The following CUX1 variants were observed in gnomAD, a reference collection of about 807,000 sequenced individuals.
CUX1 encodes the protein protein CASP.
In CUX1, 31 loss-of-function variants were observed where a neutral mutation model predicts 158.8. The ratio of observed to expected loss-of-function variants is 0.20; its 90% CI spans 0.15 to 0.26. The LOEUF is 0.26. CUX1 is among the 10% of genes least tolerant of loss of function. The pLI is 1.00. For synonymous variants in CUX1, 879 were observed against 862.1 expected (o/e 1.02, Z -0.34); for missense variants, 1,589 against 2,014.6 (o/e 0.79, Z 4.04).
At position 101,890,212 on chromosome 7, in the gene CUX1, G is replaced by A. The variant is rs142968460; in HGVS notation, c.31-25903G>A. 2.0e-3 allele frequency among the ~76,000 whole-genome samples: 303 copies of A among 152,300 alleles called. 2 individuals are homozygous for A. Among genetic ancestry groups the A allele is most frequent in the African/African-American group, 6.5e-3 (272 of 41,564 alleles). ...GGGGTTGACGGGGAGCCCTGAAGCC[G>A]GCAGTGTTTAGAGATTCAAAGAATA... On this transcript the variant is annotated intron_variant, in intron 1 of 23. Transcript: ENST00000292535.
intron 14 of CUX1, among the ~76,000 whole-genome samples, chr7:102,267,575 C>T (rs1158331413): frequency 2.0e-5 from 3 of 152,110 alleles, no homozygotes; most frequent in African/African-American, 7.2e-5. Flanking sequence ...CTCGCGCCTT[C>T]AGGAAAACCG....
chr7:102,238,284 C>A (rs1452407708), intron 22 of CUX1, among the ~76,000 whole-genome samples: 1 of 152,148 alleles, frequency 6.6e-6, no homozygotes, highest in African/African-American at 2.4e-5. Context: ...TACCGCTAGA[C>A]CACGGTCCGC....
At chr7:102,189,659 G>A (rs935561051) in intron 11 of CUX1, among the ~76,000 whole-genome samples, 154 bp from the exon 12 acceptor site, 1 of 152,224 alleles carries the variant, frequency 6.6e-6, no homozygotes, top group African/African-American at 2.4e-5. Context: ...AGGAGCGTGA[G>A]GGACAAAAGA....
At chr7:102,173,303 A>G (rs900771012) in intron 10 of CUX1, among the ~76,000 whole-genome samples, 6 of 152,204 alleles carry the variant, frequency 3.9e-5, no homozygotes, top group Admixed American at 2.6e-4. Flanking sequence ...GAGGTTGTGC[A>G]GTGAGATCGT....
At chr7:101,864,122 A>G (rs978789718) in intron 1 of CUX1, among the ~76,000 whole-genome samples, 12 of 151,048 alleles carry the variant, frequency 7.9e-5, no homozygotes, top group African/African-American at 2.9e-4. Context: ...CAAGGGTTCC[A>G]ATTTCTCCAC....
chr7:102,180,171 C>T (rs1173701974), intron 11 of CUX1, among the ~76,000 whole-genome samples: 4 of 152,018 alleles, frequency 2.6e-5, no homozygotes, highest in Non-Finnish European at 5.9e-5. Flanking sequence ...TACAGTCACG[C>T]GCCACCATGC....
intron 5 of CUX1, among the ~76,000 whole-genome samples, chr7:102,102,152 G>T (rs1171687673): frequency 3.3e-5 from 5 of 152,034 alleles, no homozygotes; most frequent in Non-Finnish European, 7.4e-5. Flanking sequence ...GCGGAAAGTT[G>T]CCCAGTCCCC....
At chr7:101,907,406 T>C (rs1327587563) in intron 1 of CUX1, among the ~76,000 whole-genome samples, 1 of 152,148 alleles carries the variant, frequency 6.6e-6, no homozygotes, top group Non-Finnish European at 1.5e-5. Context: ...TGGAGTGCAA[T>C]GGCACAATCT....
intron 4 of CUX1, among the ~76,000 whole-genome samples, chr7:102,082,247 C>T (rs1827499455): frequency 6.8e-6 from 1 of 146,816 alleles, no homozygotes; most frequent in Non-Finnish European, 1.5e-5. Flanking sequence ...TGAATTGGGC[C>T]AGGCACGGTG....
At chr7:101,856,924 C>T (rs535678630) in intron 1 of CUX1, among the ~76,000 whole-genome samples, 21 of 152,346 alleles carry the variant, frequency 1.4e-4, no homozygotes, top group African/African-American at 5.1e-4. Context: ...GTGAACCCTC[C>T]CTCCGCGGTC....
intron 20 of CUX1, among the ~76,000 whole-genome samples, chr7:102,211,421 G>A (rs1322479398): frequency 6.6e-6 from 1 of 152,006 alleles, no homozygotes; most frequent in East Asian, 1.9e-4. Context: ...ACTGCAGCCT[G>A]GGTGACAAAG....
chr7:102,182,264 A>G (rs1554514198), intron 11 of CUX1, among the ~76,000 whole-genome samples: 1 of 152,216 alleles, frequency 6.6e-6, no homozygotes. Context: ...GGCATTTCCC[A>G]TAAGCAGAAG....
intron 1 of CUX1, among the ~76,000 whole-genome samples, chr7:101,913,841 CT>C (rs369998343): frequency 6.6e-6 from 1 of 151,740 alleles, no homozygotes; most frequent in African/African-American, 2.4e-5. Context: ...AACATCAACT[CT>C]TTTTTTTTCT....
intron 1 of CUX1, among the ~76,000 whole-genome samples, chr7:101,852,656 T>C (rs549173657): frequency 3.3e-5 from 5 of 149,686 alleles, no homozygotes; most frequent in African/African-American, 9.7e-5. Context: ...TCTTCTGTTC[T>C]CTGCGTTGGA....
Position 102,249,012 on chromosome 7 carries a change from C to T in CUX1, c.4488C>T (p.Ser1496=). Reference sequence around the variant, plus strand: ...TCCACCGCCTGGAGAAGGCCGCCAGCCGGGAGGAACCTATCGAATGGGAGT... The same window carrying T: ...TCCACCGCCTGGAGAAGGCCGCCAGTCGGGAGGAACCTATCGAATGGGAGT... The part of the protein sequence containing the change: ...SIIHRLEKAA[S]REEPIEWEF Residue 1496 remains serine, a synonymous_variant, in exon 24 of 24, where the codon AGC becomes AGT. Coordinates refer to ENST00000292535, the MANE Select transcript of CUX1 (RefSeq NM_181552.4). 7.2e-7 allele frequency: 1 copy of T among 1,389,972 alleles called. No individual in the cohort carries two copies. Among genetic ancestry groups the T allele is most frequent in the Non-Finnish European group, 9.4e-7 (1 of 1,060,310 alleles). The allele number at this position is 1,389,972 out of a possible 1,614,324, so 86.1% of individuals were successfully genotyped here.
chr7:102,250,288 A>G lies in CUX1; in HGVS notation c.*1246A>G, dbSNP rs1026053112. On this transcript the variant is annotated 3_prime_UTR_variant, in exon 24 of 24. Transcript: ENST00000292535. ...AGGAGAGAGTAGTCCGGGCGAGCACAGCAGGCAGTTCCAGGGCCAGACGGG... is the reference window on the plus strand; with the variant it reads ...AGGAGAGAGTAGTCCGGGCGAGCACGGCAGGCAGTTCCAGGGCCAGACGGG... The G allele has an allele frequency of 2.0e-6, 2 of 985,458 alleles. No homozygotes were observed. Among genetic ancestry groups the G allele is most frequent in the Non-Finnish European group, 2.4e-6 (2 of 829,974 alleles). The allele number at this position is 985,458 out of a possible 1,614,324, so 61.0% of individuals were successfully genotyped here.
chr7:102,200,934 G>C (rs534742938), intron 17 of CUX1, among the ~76,000 whole-genome samples: 2 of 147,618 alleles, frequency 1.4e-5, no homozygotes, highest in East Asian at 4.1e-4. Flanking sequence ...GAGCTGGGAG[G>C]ATTGCTTGAG....
intron 1 of CUX1, among the ~76,000 whole-genome samples, chr7:101,876,492 C>T (rs1416227148): frequency 8.6e-5 from 13 of 151,566 alleles, no homozygotes; most frequent in Admixed American, 6.6e-4. Context: ...ATCAGGAGAT[C>T]GAGACCATCC....
Position 101,916,047 on chromosome 7 carries a change from A to C in CUX1, c.31-68A>C. ...CTCCCCCAGTGTTCTGGTCAAATGC[A>C]AATAGGACCCTCCTCTAGTACACAG... is the stretch of plus-strand genomic sequence containing the variant. On this transcript the variant is annotated intron_variant, in intron 1 of 23. Transcript: ENST00000292535. This position sits in a 1 kb window ranked among gnomAD's most constrained non-coding sequence, Gnocchi z 4.4. The C allele has an allele frequency of 8.8e-7, 1 of 1,131,812 alleles. No homozygotes were observed. The highest frequency in any genetic ancestry group is 1.3e-6 in the Non-Finnish European group (1 of 743,958). The allele number at this position is 1,131,812 out of a possible 1,614,324, so 70.1% of individuals were successfully genotyped here.
Sources: allele counts gnomAD v4.1 joint callset (sites outside exome capture counted in the v4.1 genomes callset), GRCh38; gene constraint gnomAD v4.1.1; non-coding constraint Gnocchi (gnomAD v3.1); transcripts MANE v1.5; gene names NCBI Gene and HGNC (gene_info 2026-07-23, HGNC 2026-07-21).